UBA3: variants seen among roughly 807,000 people sequenced by gnomAD.
The protein encoded by UBA3 is NEDD8-activating enzyme E1 catalytic subunit.
UBA3 carries 26 observed loss-of-function variants against 73.5 expected under a neutral mutation model. The ratio of observed to expected loss-of-function variants is 0.35; its 90% CI spans 0.26 to 0.49. UBA3 has a LOEUF of 0.49. Ranked by LOEUF, UBA3 falls within the 20% of genes least tolerant of loss-of-function variation. The probability of loss-of-function intolerance (pLI) is 0.98; values close to 1 mark genes in which losing one functional copy is unlikely to be tolerated. For missense variants in UBA3, 495 were observed against 555.6 expected (o/e 0.89, Z 1.10); for synonymous variants, 217 against 191.2 (o/e 1.13, Z -1.11).
Position 69,071,515 on chromosome 3 carries a change from G to C in UBA3, c.347+20C>G, listed in dbSNP as rs199761221. 3 of 1,342,580 alleles carry C rather than the reference G, an allele frequency of 2.2e-6. No homozygotes were observed. The highest frequency in any genetic ancestry group is 3.1e-6 in the Non-Finnish European group (3 of 970,812). The allele number at this position is 1,342,580 out of a possible 1,614,324, so 83.2% of individuals were successfully genotyped here. A position where few individuals can be genotyped will look rare whatever the true frequency, so the allele number is the denominator to read the frequency against. On this transcript the variant is annotated intron_variant, in intron 5 of 17. Coordinates refer to ENST00000361055, the MANE Select transcript of UBA3 (RefSeq NM_003968.4). ...TATCAGAGCTTAAAAAAAGAAAACC[G>C]CTAAGATATTAAAACTTACCTAAAT...
intron 4 of UBA3, among the ~76,000 whole-genome samples, chr3:69,072,393 G>A (rs2092127830): frequency 6.6e-6 from 1 of 152,142 alleles, no homozygotes; most frequent in African/African-American, 2.4e-5. Flanking sequence ...CCATATTTGT[G>A]CTTTCAAAGT....
chr3:69,077,933 G>A lies in UBA3; in HGVS notation c.63-15C>T. 1 of 1,610,278 alleles carries A rather than the reference G, an allele frequency of 6.2e-7. No individual in the cohort carries two copies. The highest frequency in any genetic ancestry group is 8.5e-7 in the Non-Finnish European group (1 of 1,178,768). ...CAACAGCCATTCTGCACAGAACACA[G>A]TAAATTCAGCTGCAAAGATCAGTAT... is the stretch of plus-strand genomic sequence containing the variant. On this transcript the variant is annotated splice_polypyrimidine_tract_variant and intron_variant, in intron 2 of 17. Transcript: ENST00000361055.
intron 1 of UBA3, 58 bp downstream of exon 1, chr3:69,080,276 G>A: frequency 6.3e-7 from 1 of 1,592,996 alleles, no homozygotes; most frequent in Non-Finnish European, 8.5e-7. Flanking sequence ...ACCGCCCACC[G>A]CCGCGCTCTC....
chr3:69,056,717 T>G, intron 13 of UBA3, 24 bp from the exon 14 acceptor site: 2 of 1,610,442 alleles, frequency 1.2e-6, no homozygotes, highest in Non-Finnish European at 1.7e-6. Flanking sequence ...ATGTTCATCT[T>G]TATATAATTA....
chr3:69,057,218 A>G (rs904090170), intron 12 of UBA3, 38 bp downstream of exon 12: 6 of 1,598,064 alleles, frequency 3.8e-6, no homozygotes, highest in Non-Finnish European at 5.1e-6. Flanking sequence ...AAACTAAAGA[A>G]AGCAAAATAA....
intron 11 of UBA3, among the ~76,000 whole-genome samples, chr3:69,057,673 T>G (rs2091985627): frequency 6.6e-6 from 1 of 152,148 alleles, no homozygotes; most frequent in Non-Finnish European, 1.5e-5. Context: ...ATAAGAAAAG[T>G]GAGACTGAGA....
chr3:69,067,204 A>C (rs1486242601), intron 6 of UBA3, among the ~76,000 whole-genome samples: 1 of 152,192 alleles, frequency 6.6e-6, no homozygotes, highest in Non-Finnish European at 1.5e-5. Context: ...TTGAAGATGG[A>C]CTATCTCTCC....
chr3:69,063,566 T>C, intron 7 of UBA3, 63 bp from the exon 8 acceptor site: 3 of 1,328,196 alleles, frequency 2.3e-6, no homozygotes, highest in Non-Finnish European at 3.1e-6. Flanking sequence ...GATCTTTCAA[T>C]GTAGATTCAT....
chr3:69,071,252 GCA>G (rs965020387), intron 5 of UBA3: 2 of 267,692 alleles, frequency 7.5e-6, no homozygotes, highest in African/African-American at 2.3e-5. Context: ...TTTCTTCAGA[GCA>G]CAGTTAACCT....
At position 69,057,301 on chromosome 3, in the gene UBA3, T is replaced by C; in HGVS notation, c.919A>G (p.Lys307Glu). ...GAAGCTACTGCAGGAATGATTCTTT[T>C]TACTACCCCTGAAAAAACATATCAA... ...VTYRLTQGVV[K>E]RIIPAVASTN... The change falls in exon 12 of 18, where the codon AAA (lysine) becomes GAA (glutamate). Residue 307 changes from lysine to glutamate, a missense_variant. Lys to Glu is a moderately conservative substitution (Grantham distance 56). Coordinates refer to ENST00000361055, the MANE Select transcript of UBA3 (RefSeq NM_003968.4). The C allele has an allele frequency of 6.2e-7, 1 of 1,610,264 alleles. No individual in the cohort carries two copies. Among genetic ancestry groups the C allele is most frequent in the South Asian group, 1.1e-5 (1 of 89,966 alleles).
chr3:69,065,110 T>A (rs1035892677), intron 6 of UBA3, among the ~76,000 whole-genome samples: 1 of 151,778 alleles, frequency 6.6e-6, no homozygotes. Flanking sequence ...AAGCAAACAG[T>A]GGAGGAATGG....
rs1240463902 is a variant in UBA3, at chr3:69,055,862, T to G, written c.1292A>C (p.Lys431Thr). Residue 431 changes from lysine to threonine, a missense_variant, in exon 17 of 18, where the codon AAA (lysine) becomes ACA (threonine). Physicochemically the swap from Lys to Thr is moderately conservative, Grantham distance 78. Transcript: ENST00000361055. The stretch of plus-strand genomic sequence containing the variant: ...CTTATGTAAAATACCTTTCAATGTT[T>G]TGGAGAGATTTGGCCTTGTTCGTTC... ...IEERTRPNLS[K>T]TLKELGLVDG... The G allele has an allele frequency of 2.5e-6, 4 of 1,612,236 alleles. No individual in the cohort carries two copies. The highest frequency in any genetic ancestry group is 2.2e-5 in the East Asian group (1 of 44,746).
At chr3:69,061,228 CTT>C (rs1054279474) in intron 11 of UBA3, among the ~76,000 whole-genome samples, 14 of 152,348 alleles carry the variant, frequency 9.2e-5, no homozygotes, top group Admixed American at 9.1e-4. Context: ...AAGTTTTGCT[CTT>C]GTTGCCCAGG....
intron 4 of UBA3, among the ~76,000 whole-genome samples, 165 bp from the exon 5 acceptor site, chr3:69,071,782 T>C (rs1270763793): frequency 6.6e-6 from 1 of 152,210 alleles, no homozygotes; most frequent in Non-Finnish European, 1.5e-5. Flanking sequence ...AATTCAGAGT[T>C]CTTGAACAGG....
At chr3:69,055,958 G>C in intron 16 of UBA3, 42 bp downstream of exon 16, 2 of 1,590,242 alleles carry the variant, frequency 1.3e-6, no homozygotes, top group Non-Finnish European at 1.7e-6. Context: ...AATAAAACTT[G>C]ATATAATTTT....
chr3:69,058,478 G>A (rs913230655), intron 11 of UBA3, among the ~76,000 whole-genome samples: 2 of 152,126 alleles, frequency 1.3e-5, no homozygotes, highest in African/African-American at 2.4e-5. Flanking sequence ...AGACAGTTAC[G>A]AAGGCTGGAA....
chr3:69,063,360 A>G, intron 8 of UBA3, 79 bp downstream of exon 8: 4 of 1,441,682 alleles, frequency 2.8e-6, no homozygotes, highest in Non-Finnish European at 2.8e-6. Flanking sequence ...TTTTTCAAAA[A>G]TATATCAATT....
intron 4 of UBA3, among the ~76,000 whole-genome samples, chr3:69,074,815 A>G (rs2107499690): frequency 6.6e-6 from 1 of 152,362 alleles, no homozygotes; most frequent in Admixed American, 6.5e-5. Flanking sequence ...TATGCAAATA[A>G]GTTCAGTAAA....
Position 69,077,882 on chromosome 3 carries a change from G to T in UBA3, c.99C>A (p.Asp33Glu). Residue 33 changes from aspartate to glutamate, a missense_variant, in exon 3 of 18, where the codon GAC (aspartate) becomes GAA (glutamate). Transcript: ENST00000361055. ...TTACATGGTTCCAGCGACCTTCCCA[G>T]TCTCCAGTGTCCCCACACCCACCAT... ...AVDGGCGDTG[D>E]WEGRWNHVKK... is the part of the protein sequence containing the mutation. 1 of 1,614,038 alleles carries T rather than the reference G, an allele frequency of 6.2e-7. No individual in the cohort carries two copies. The highest frequency in any genetic ancestry group is 8.5e-7 in the Non-Finnish European group (1 of 1,180,014).
Sources: gnomAD v4.1 joint callset for allele counts (sites outside exome capture counted in the v4.1 genomes callset) on GRCh38, gnomAD v4.1.1 for gene constraint, MANE v1.5 for transcripts, NCBI Gene and HGNC (gene_info 2026-07-23, HGNC 2026-07-21) for gene names.